BDNF: variants seen among roughly 807,000 people sequenced by gnomAD.
BDNF encodes the protein neurotrophic factor BDNF precursor form.
In BDNF, 1 loss-of-function variant was observed where a neutral mutation model predicts 19.5. That is an observed-to-expected ratio of 0.05 (90% CI 0.02 to 0.24). The LOEUF is 0.24. BDNF is among the 10% of genes least tolerant of loss of function. The probability of loss-of-function intolerance (pLI) is 1.00; values close to 1 mark genes in which losing one functional copy is unlikely to be tolerated. For synonymous variants in BDNF, 100 were observed against 121.6 expected (o/e 0.82, Z 1.17); for missense variants, 195 against 317.6 (o/e 0.61, Z 2.93).
At chr11:27,691,566 GTTTGC>G (rs1384216542) in intron 1 of BDNF, among the ~76,000 whole-genome samples, 1 of 152,114 alleles carries the variant, frequency 6.6e-6, no homozygotes, top group Non-Finnish European at 1.5e-5. Flanking sequence ...ATATTAAACT[GTTTGC>G]TTTGCTGACT....
At chr11:27,713,713 T>A (rs556200020) in intron 1 of BDNF, among the ~76,000 whole-genome samples, 3 of 152,336 alleles carry the variant, frequency 2.0e-5, no homozygotes, top group Admixed American at 2.0e-4. Context: ...AATTGTTGGA[T>A]CACCTTTCCC....
intron 1 of BDNF, among the ~76,000 whole-genome samples, chr11:27,708,732 G>A (rs1860209406): frequency 6.6e-6 from 1 of 151,706 alleles, no homozygotes; most frequent in Admixed American, 6.6e-5. Context: ...GGAATATAAG[G>A]TGGTTTTAAA....
chr11:27,693,097 A>G (rs746302041), intron 1 of BDNF, among the ~76,000 whole-genome samples: 1 of 152,238 alleles, frequency 6.6e-6, no homozygotes, highest in Admixed American at 6.5e-5. Flanking sequence ...AGTGATTTGA[A>G]TGTACACTAA....
chr11:27,677,661 T>A (rs989958386), intron 1 of BDNF: 3 of 152,266 alleles, frequency 2.0e-5, no homozygotes, highest in African/African-American at 7.2e-5. Flanking sequence ...ATAGATGGTA[T>A]GTATTGGGGG....
intron 1 of BDNF, among the ~76,000 whole-genome samples, chr11:27,713,746 G>A (rs1860422621): frequency 6.6e-6 from 1 of 152,146 alleles, no homozygotes; most frequent in Non-Finnish European, 1.5e-5. Context: ...TTTTGGAGTG[G>A]ATTTAACATT....
intron 1 of BDNF, among the ~76,000 whole-genome samples, chr11:27,664,225 T>C (rs1311121493): frequency 6.6e-6 from 1 of 152,158 alleles, no homozygotes; most frequent in African/African-American, 2.4e-5. Context: ...TTGACCTTAA[T>C]GAAATCTTGC....
chr11:27,681,696 CTT>C (rs1477610899), intron 1 of BDNF, among the ~76,000 whole-genome samples: 2 of 152,140 alleles, frequency 1.3e-5, no homozygotes, highest in Non-Finnish European at 2.9e-5. Flanking sequence ...GCTGATTAAA[CTT>C]TTTATTGTCT....
At position 27,656,621 on chromosome 11, in the gene BDNF, T is replaced by A; in HGVS notation, c.*1200A>T. The A allele has an allele frequency of 1.0e-6, 1 of 985,830 alleles. No individual in the cohort carries two copies. The highest frequency in any genetic ancestry group is 1.2e-6 in the Non-Finnish European group (1 of 829,930). 61.1% of individuals were successfully genotyped at this position (985,830 alleles called of 1,614,324 possible). The stretch of plus-strand genomic sequence containing the variant: ...CTCCATTTGGCTGTTCAGTCTCATG[T>A]CACTGGCAATGTGGATTCCTGTTCT... On this transcript the variant is annotated 3_prime_UTR_variant, in exon 2 of 2. Transcript: ENST00000356660.
rs1293860472 is a variant in BDNF at position 27,655,972 on chromosome 11, C to G, written c.*1849G>C. On this transcript the variant is annotated 3_prime_UTR_variant, in exon 2 of 2. Coordinates refer to ENST00000356660, the MANE Select transcript of BDNF (RefSeq NM_001709.5). Reference sequence around the variant, plus strand: ...CAGGATGGGCAGAAGGTTGCTGTGGCCTTCACTGGGGAGCAAAATTTTGTC... The same window carrying G: ...CAGGATGGGCAGAAGGTTGCTGTGGGCTTCACTGGGGAGCAAAATTTTGTC... 1 of 152,238 alleles carries G rather than the reference C, an allele frequency of 6.6e-6. No individual in the cohort carries two copies. The allele number at this position is 152,238 out of a possible 1,614,324, so 9.4% of individuals were successfully genotyped here.
At chr11:27,719,638 A>T in intron 1 of BDNF, 2 of 925,622 alleles carry the variant, frequency 2.2e-6, no homozygotes, top group Non-Finnish European at 2.6e-6. Flanking sequence ...GACAGAAGGG[A>T]AAAAAAAAAG....
At chr11:27,701,213 G>T, upstream of BDNF, 1 of 1,184,410 alleles carries the variant, frequency 8.4e-7, no homozygotes, top group Non-Finnish European at 1.1e-6. Flanking sequence ...GGAAGCCCAG[G>T]CAATGACAGA....
At chr11:27,668,444 C>G (rs1434782310) in intron 1 of BDNF, among the ~76,000 whole-genome samples, 1 of 151,944 alleles carries the variant, frequency 6.6e-6, no homozygotes, top group Non-Finnish European at 1.5e-5. Flanking sequence ...GACAGAAAAA[C>G]TCCTTCAAAA....
At chr11:27,659,573 A>C in intron 1 of BDNF, 1 of 1,000,312 alleles carries the variant, frequency 1.0e-6, no homozygotes, top group Non-Finnish European at 1.2e-6. Context: ...TTTTCTGGCT[A>C]ATACACACAT....
At position 27,658,742 on chromosome 11, in the gene BDNF, A is replaced by C; in HGVS notation, c.-21-157T>G. 6.6e-7 allele frequency: 1 copy of C among 1,526,620 alleles called. No individual in the cohort carries two copies. Among genetic ancestry groups the C allele is most frequent in the Non-Finnish European group, 8.8e-7 (1 of 1,137,316 alleles). The allele number at this position is 1,526,620 out of a possible 1,614,324, so 94.6% of individuals were successfully genotyped here. On this transcript the variant is annotated intron_variant, in intron 1 of 1. Transcript: ENST00000356660. This position sits in a 1 kb window ranked among gnomAD's most constrained non-coding sequence, Gnocchi z 5.7. ...ACTCCAGCTGCACCAGACACAAATC[A>C]GTGTCAGTAGTGTGCTGTATGTGGT... is the stretch of plus-strand genomic sequence containing the variant.
Position 27,700,436 on chromosome 11 carries a change from G to A in BDNF, c.-294C>T, listed in dbSNP as rs1443748433. 7 of 985,042 alleles carry A rather than the reference G, an allele frequency of 7.1e-6. No homozygotes were observed. In the African/African-American group the frequency reaches 1.2e-4, roughly 17 times the overall value. The allele number at this position is 985,042 out of a possible 1,614,324, so 61.0% of individuals were successfully genotyped here. A position where few individuals can be genotyped will look rare whatever the true frequency, so the allele number is the denominator to read the frequency against. On this transcript the variant is annotated 5_prime_UTR_variant, in exon 1 of 2. Transcript: ENST00000356660. ...CGGGCGCGGCGGCGGCAGCGTCGGG[G>A]ACCCGGAGCTCCAGGCTGCGCCTTG...
intron 1 of BDNF, among the ~76,000 whole-genome samples, chr11:27,679,774 G>A (rs546956901): frequency 4.6e-5 from 7 of 152,300 alleles, no homozygotes; most frequent in East Asian, 1.9e-4. Context: ...CAAGGTGCAC[G>A]TCAGGGGCAC....
Position 27,656,987 on chromosome 11 carries a change from A to G in BDNF, c.*834T>C. On this transcript the variant is annotated 3_prime_UTR_variant, in exon 2 of 2. Transcript: ENST00000356660. ...GGGAAAGAATGTGTTCTGAGCAAAC[A>G]TAGGTCCTTCCGTCAAAAGCAGCTT... is the stretch of plus-strand genomic sequence containing the variant. 1.0e-6 allele frequency: 1 copy of G among 985,432 alleles called. No homozygotes were observed. The highest frequency in any genetic ancestry group is 1.2e-6 in the Non-Finnish European group (1 of 829,946). The allele number at this position is 985,432 out of a possible 1,614,324, so 61.0% of individuals were successfully genotyped here.
At chr11:27,708,446 A>C (rs142869407) in intron 1 of BDNF, among the ~76,000 whole-genome samples, 3 of 152,326 alleles carry the variant, frequency 2.0e-5, no homozygotes, top group Non-Finnish European at 4.4e-5. Flanking sequence ...TCTCAAAAGT[A>C]TGTACAAGTT....
intron 1 of BDNF, among the ~76,000 whole-genome samples, chr11:27,684,565 A>G (rs991253710): frequency 6.6e-6 from 1 of 152,150 alleles, no homozygotes; most frequent in Non-Finnish European, 1.5e-5. Flanking sequence ...TTATTTTGAG[A>G]TATGTTCCAT....
Sources: allele counts gnomAD v4.1 joint callset (sites outside exome capture counted in the v4.1 genomes callset), GRCh38; gene constraint gnomAD v4.1.1; non-coding constraint Gnocchi (gnomAD v3.1); transcripts MANE v1.5; gene names NCBI Gene and HGNC (gene_info 2026-07-23, HGNC 2026-07-21).